The following IGF1R variants were observed in gnomAD, a reference collection of about 807,000 sequenced individuals.
IGF1R encodes insulin like growth factor 1 receptor, also known as insulin-like growth factor 1 receptor.
A neutral mutation model predicts 144.6 loss-of-function variants in IGF1R; 44 were observed. The observed-to-expected ratio is 0.30, with a 90% CI of 0.24 to 0.39. The LOEUF (loss-of-function observed/expected upper bound fraction) is 0.39. Among genes scored for constraint, IGF1R ranks in the 10% least tolerant of loss-of-function variants. IGF1R has a pLI of 1.00. For missense variants in IGF1R, 1,355 were observed against 1,833.7 expected, an observed-to-expected ratio of 0.74 and a Z score of 4.77; for synonymous variants, 795 against 722.8, an observed-to-expected ratio of 1.10 and a Z score of -1.60.
At chr15:98,772,510 A>ATTATTATTATTGTTG (rs60796484) in intron 2 of IGF1R, among the ~76,000 whole-genome samples, 1 of 141,948 alleles carries the variant, frequency 7.0e-6, no homozygotes, top group Non-Finnish European at 1.5e-5. Context: ...TATTATTATT[A>ATTATTATTATTGTTG]TTATTTTAAG....
chr15:98,934,603 G>A (rs766217597), intron 15 of IGF1R, among the ~76,000 whole-genome samples: 1 of 152,024 alleles, frequency 6.6e-6, no homozygotes, highest in Non-Finnish European at 1.5e-5. Flanking sequence ...AAATTATCTT[G>A]AAATCCTCAG....
In IGF1R at chr15:98,941,436, T is replaced by G. The variant is rs556086248; in HGVS notation, c.3458-1487T>G. The stretch of plus-strand genomic sequence containing the variant: ...TTTGCTGTTCAACCATGTGGCATAT[T>G]TATAGTGATTTTTTTTGTAATCATG... On this transcript the variant is annotated intron_variant, in intron 18 of 20. Transcript: ENST00000650285. 3.3e-5 allele frequency among the ~76,000 whole-genome samples: 5 copies of G among 152,332 alleles called. No homozygotes were observed. The East Asian group carries it at 9.6e-4, about 29-fold the overall frequency.
rs536635569 is a variant in IGF1R at position 98,933,767 on chromosome 15, A to G, written c.2957-1057A>G. ...TCCCTGAGTTCACAGAGCCCAGGCC[A>G]GAGCCCTGGAAACGCCTCTGCCCGT... On this transcript the variant is annotated intron_variant, in intron 15 of 20. Coordinates refer to ENST00000650285, the MANE Select transcript of IGF1R (RefSeq NM_000875.5). Among the ~76,000 whole-genome samples, 647 of 152,144 alleles carry G rather than the reference A, an allele frequency of 4.3e-3. 3 individuals are homozygous for G. Among genetic ancestry groups the G allele is most frequent in the African/African-American group, 0.014 (587 of 41,476 alleles).
chr15:98,798,434 C>A (rs919680376), intron 2 of IGF1R, among the ~76,000 whole-genome samples: 2 of 151,684 alleles, frequency 1.3e-5, no homozygotes, highest in East Asian at 3.9e-4. Flanking sequence ...AAGGAGATGG[C>A]AGAGTTTGGA....
intron 1 of IGF1R, among the ~76,000 whole-genome samples, chr15:98,656,899 C>T (rs1035567404): frequency 3.3e-5 from 5 of 152,184 alleles, no homozygotes; most frequent in Non-Finnish European, 5.9e-5. Context: ...ATGGCACTAG[C>T]TTTCTCAAAC....
intron 4 of IGF1R, 83 bp downstream of exon 4, chr15:98,896,988 C>T: frequency 7.4e-7 from 1 of 1,354,014 alleles, no homozygotes; most frequent in Non-Finnish European, 1.0e-6. Context: ...GTCCCTGAGT[C>T]ACCACTAAAA....
chr15:98,779,766 G>A (rs2055809773), intron 2 of IGF1R, among the ~76,000 whole-genome samples: 2 of 152,200 alleles, frequency 1.3e-5, no homozygotes. Context: ...AGCAACTCTG[G>A]AACCACAGCC....
intron 2 of IGF1R, among the ~76,000 whole-genome samples, chr15:98,732,519 G>C (rs1029650818): frequency 2.0e-5 from 3 of 152,172 alleles, no homozygotes; most frequent in Non-Finnish European, 4.4e-5. Context: ...GAGGGAAGCT[G>C]GCAGAGCCGT....
intron 8 of IGF1R, among the ~76,000 whole-genome samples, chr15:98,915,225 G>A (rs539750972): frequency 1.3e-5 from 2 of 152,338 alleles, no homozygotes; most frequent in Non-Finnish European, 2.9e-5. Flanking sequence ...TCAGGGGTCA[G>A]CATAAGTAAA....
At chr15:98,659,836 A>G (rs1322072872) in intron 1 of IGF1R, among the ~76,000 whole-genome samples, 6 of 152,232 alleles carry the variant, frequency 3.9e-5, no homozygotes, top group Non-Finnish European at 7.3e-5. Flanking sequence ...TTAAACAGGT[A>G]GTAACACTTT....
chr15:98,869,560 C>G (rs1350678730), intron 2 of IGF1R, among the ~76,000 whole-genome samples: 9 of 152,018 alleles, frequency 5.9e-5, no homozygotes, highest in Admixed American at 2.6e-4. Context: ...CTCAGCCTCC[C>G]GAGTAGCTGG....
At chr15:98,706,825 T>C (rs1567086351) in intron 1 of IGF1R, among the ~76,000 whole-genome samples, 1 of 106,104 alleles carries the variant, frequency 9.4e-6, no homozygotes, top group Non-Finnish European at 2.2e-5. Flanking sequence ...TGATTTTTAC[T>C]GGTTTTTTTT....
chr15:98,694,122 T>C (rs1371386175), intron 1 of IGF1R, among the ~76,000 whole-genome samples: 1 of 152,258 alleles, frequency 6.6e-6, no homozygotes, highest in Non-Finnish European at 1.5e-5. Context: ...ATTGGCATAC[T>C]TTTATTCCTC....
intron 2 of IGF1R, among the ~76,000 whole-genome samples, chr15:98,828,774 GTTT>G (rs200266374): frequency 1.9e-4 from 23 of 124,004 alleles, no homozygotes; most frequent in African/African-American, 4.5e-4. Flanking sequence ...GCTGAGCATG[GTTT>G]TTTTTTTTTT....
At chr15:98,685,685 T>C (rs1417257864) in intron 1 of IGF1R, among the ~76,000 whole-genome samples, 1 of 152,170 alleles carries the variant, frequency 6.6e-6, no homozygotes, top group Non-Finnish European at 1.5e-5. Context: ...TCCAGATAAT[T>C]GTTGAAGATG....
chr15:98,941,549 T>G (rs769586446), intron 18 of IGF1R, among the ~76,000 whole-genome samples: 13 of 152,240 alleles, frequency 8.5e-5, no homozygotes, highest in Non-Finnish European at 1.5e-4. Context: ...TTCCACCTTG[T>G]GCAAGTAAAG....
At chr15:98,913,307 A>C (rs775794054) in intron 8 of IGF1R, 25 bp downstream of exon 8, 4 of 1,574,516 alleles carry the variant, frequency 2.5e-6, no homozygotes, top group Admixed American at 1.7e-5. Flanking sequence ...ACAAGCCCCC[A>C]GCATCCACAC....
At chr15:98,797,039 G>A (rs1019964847) in intron 2 of IGF1R, among the ~76,000 whole-genome samples, 1 of 152,192 alleles carries the variant, frequency 6.6e-6, no homozygotes, top group South Asian at 2.1e-4. Context: ...TCCATGCCCC[G>A]CATTTCTGAT....
chr15:98,727,661 C>G (rs2054392939), intron 2 of IGF1R, among the ~76,000 whole-genome samples: 2 of 152,172 alleles, frequency 1.3e-5, no homozygotes, highest in Admixed American at 1.3e-4. Flanking sequence ...TGCATTATAC[C>G]CAGGGGCTGG....
Sources: gnomAD v4.1 joint callset for allele counts (sites outside exome capture counted in the v4.1 genomes callset) on GRCh38, gnomAD v4.1.1 for gene constraint, MANE v1.5 for transcripts, NCBI Gene and HGNC (gene_info 2026-07-23, HGNC 2026-07-21) for gene names.